Variants in MARCHF1 observed in about 807,000 individuals in gnomAD.
The protein encoded by MARCHF1 is E3 ubiquitin-protein ligase MARCHF1.
MARCHF1 carries 40 observed loss-of-function variants against 54.2 expected under a neutral mutation model. The ratio of observed to expected loss-of-function variants is 0.74; its 90% confidence interval spans 0.57 to 0.96. MARCHF1 has a LOEUF of 0.96. Among genes scored for constraint, MARCHF1 ranks in the 40% least tolerant of loss-of-function variants. MARCHF1 has a pLI of 0.00. For synonymous variants in MARCHF1, 236 were observed against 236.3 expected (o/e 1.00, Z 0.01); for missense variants, 586 against 656.5 (o/e 0.89, Z 1.17).
At chr4:163,817,299 A>G (rs1376465971) in intron 4 of MARCHF1, among the ~76,000 whole-genome samples, 1 of 151,998 alleles carries the variant, frequency 6.6e-6, no homozygotes, top group Non-Finnish European at 1.5e-5. Flanking sequence ...ATACATATAC[A>G]TACATACATA....
rs935175441 is a variant in MARCHF1 at position 163,733,528 on chromosome 4, A to G, written c.112-32665T>C. ...GTGCAGGTTTGTTACATATGTATAC[A>G]TGTGCCATGTTGGTGTGCTGCACTC... On this transcript the variant is annotated intron_variant, in intron 4 of 9. Transcript: ENST00000514618. Among the ~76,000 whole-genome samples, 3 of 150,866 alleles carry G rather than the reference A, an allele frequency of 2.0e-5. No homozygotes were observed. The Admixed American group carries it at 2.0e-4, about 10-fold the overall frequency.
chr4:163,622,582 C>T (rs1270896731), intron 5 of MARCHF1, among the ~76,000 whole-genome samples: 1 of 152,156 alleles, frequency 6.6e-6, no homozygotes, highest in African/African-American at 2.4e-5. Flanking sequence ...CACTGAGGGT[C>T]ATCTAAGATT....
At chr4:164,190,667 G>C (rs940948504) in intron 1 of MARCHF1, among the ~76,000 whole-genome samples, 2 of 152,172 alleles carry the variant, frequency 1.3e-5, no homozygotes, top group African/African-American at 4.8e-5. Context: ...GCCAATAAAT[G>C]TTAGTTATTT....
At chr4:163,713,220 C>A (rs1565840) in intron 4 of MARCHF1, among the ~76,000 whole-genome samples, 72,666 of 151,784 alleles carry the variant, frequency 0.48, 17,473 homozygotes, top group Admixed American at 0.5. Context: ...TGGCCACTTT[C>A]CGGCCTATAG....
intron 1 of MARCHF1, among the ~76,000 whole-genome samples, chr4:164,323,596 GCAAAAAAAAAAAAA>G (rs1210911134): frequency 0.014 from 84 of 6,174 alleles, no homozygotes; most frequent in Non-Finnish European, 0.022. Context: ...AGGATGAGTA[GCAAAAAAAAAAAAA>G]AAAAAAAAAA....
intron 4 of MARCHF1, among the ~76,000 whole-genome samples, chr4:163,815,096 G>T (rs1318495742): frequency 1.3e-5 from 2 of 152,032 alleles, no homozygotes; most frequent in Non-Finnish European, 2.9e-5. Context: ...TAACATACAA[G>T]TTGGCATTCT....
chr4:163,963,354 A>G (rs1050798772), intron 3 of MARCHF1, among the ~76,000 whole-genome samples: 1 of 151,902 alleles, frequency 6.6e-6, no homozygotes, highest in Non-Finnish European at 1.5e-5. Flanking sequence ...TCGGCAGACC[A>G]TATTGGTAAC....
intron 2 of MARCHF1, among the ~76,000 whole-genome samples, chr4:164,009,085 GA>G (rs1262465366): frequency 6.6e-6 from 1 of 151,870 alleles, no homozygotes; most frequent in Admixed American, 6.6e-5. Context: ...ATAAAGGATA[GA>G]AGACCCAAAT....
chr4:163,894,719 T>C (rs201482103), intron 3 of MARCHF1, among the ~76,000 whole-genome samples: 1 of 12,228 alleles, frequency 8.2e-5, no homozygotes, highest in Non-Finnish European at 3.1e-4. Flanking sequence ...TGCATATATA[T>C]ATGCATGTGA....
At chr4:163,674,755 G>T (rs1743854478) in intron 5 of MARCHF1, among the ~76,000 whole-genome samples, 1 of 152,082 alleles carries the variant, frequency 6.6e-6, no homozygotes, top group Non-Finnish European at 1.5e-5. Flanking sequence ...ATTTAAATAA[G>T]TATAATATGT....
intron 3 of MARCHF1, among the ~76,000 whole-genome samples, chr4:163,858,217 A>C (rs998646209): frequency 6.6e-6 from 1 of 152,164 alleles, no homozygotes; most frequent in Non-Finnish European, 1.5e-5. Flanking sequence ...GCAACCTGGC[A>C]GCCCTGCTGG....
chr4:163,541,477 G>A (rs192711828), intron 9 of MARCHF1, among the ~76,000 whole-genome samples: 50 of 152,254 alleles, frequency 3.3e-4, no homozygotes, highest in African/African-American at 1.1e-3. Flanking sequence ...TAAACTTAGC[G>A]ATAGGCTTAT....
chr4:163,683,922 C>G (rs1744187748), intron 5 of MARCHF1, among the ~76,000 whole-genome samples: 1 of 150,860 alleles, frequency 6.6e-6, no homozygotes, highest in East Asian at 1.9e-4. Flanking sequence ...CACTCACTCA[C>G]TCACTCACTC....
chr4:164,011,410 G>A (rs184202616), intron 2 of MARCHF1, among the ~76,000 whole-genome samples: 76 of 152,068 alleles, frequency 5.0e-4, no homozygotes, highest in African/African-American at 1.8e-3. Context: ...GAAAAGCTCA[G>A]ACAACTCAAC....
intron 3 of MARCHF1, among the ~76,000 whole-genome samples, chr4:163,867,074 T>C (rs1750068414): frequency 6.6e-6 from 1 of 151,846 alleles, no homozygotes; most frequent in African/African-American, 2.4e-5. Context: ...ATTAGGGTGA[T>C]ATCACATGAC....
chr4:163,548,464 G>A (rs1368426650), intron 8 of MARCHF1, among the ~76,000 whole-genome samples: 1 of 152,180 alleles, frequency 6.6e-6, no homozygotes, highest in African/African-American at 2.4e-5. Context: ...AAAAATATCA[G>A]TGGGGCTGAC....
chr4:163,862,800 A>G (rs1749968342), intron 3 of MARCHF1, among the ~76,000 whole-genome samples: 1 of 152,112 alleles, frequency 6.6e-6, no homozygotes, highest in Non-Finnish European at 1.5e-5. Flanking sequence ...ATCACCAAAA[A>G]CTGGAAGCAA....
At chr4:164,352,710 G>C (rs1218999125) in intron 1 of MARCHF1, among the ~76,000 whole-genome samples, 2 of 148,238 alleles carry the variant, frequency 1.3e-5, no homozygotes, top group African/African-American at 4.9e-5. Context: ...CAACTAACGA[G>C]CAAAATAACC....
intron 1 of MARCHF1, among the ~76,000 whole-genome samples, chr4:164,171,610 T>C (rs968273676): frequency 7.9e-5 from 12 of 152,314 alleles, no homozygotes; most frequent in Admixed American, 7.2e-4. Flanking sequence ...CCAAAGGTTA[T>C]TAAGGAAGGC....
Sources: allele counts gnomAD v4.1 joint callset (sites outside exome capture counted in the v4.1 genomes callset), GRCh38; gene constraint gnomAD v4.1.1; transcripts MANE v1.5; gene names NCBI Gene and HGNC (gene_info 2026-07-23, HGNC 2026-07-21).